The following COX6B1 variants were observed in gnomAD, a reference collection of about 807,000 sequenced individuals.
COX6B1 encodes the protein COX VIb-1.
A neutral mutation model predicts 14.0 loss-of-function variants in COX6B1; 2 were observed. The ratio of observed to expected loss-of-function variants is 0.14; its 90% CI spans 0.06 to 0.45. The LOEUF (loss-of-function observed/expected upper bound fraction) is 0.45, where lower values mean the gene tolerates loss of function less well. COX6B1 is among the 20% of genes least tolerant of loss of function. The pLI is 0.98. For missense variants in COX6B1, 81 were observed against 114.2 expected (o/e 0.71, Z 1.33); for synonymous variants, 30 against 39.7 (o/e 0.76, Z 0.92).
chr19:35,653,222 C>T (rs896197752), intron 2 of COX6B1, among the ~76,000 whole-genome samples: 1 of 151,726 alleles, frequency 6.6e-6, no homozygotes, highest in African/African-American at 2.4e-5. Context: ...ATCCACCCCC[C>T]TCAGCCTCCC....
intron 1 of COX6B1, 38 bp from the exon 2 acceptor site, chr19:35,651,195 C>G (rs376796517): frequency 1.4e-6 from 2 of 1,444,844 alleles, no homozygotes; most frequent in South Asian, 1.1e-5. Flanking sequence ...CTCAGGGCCC[C>G]TGGGGCCCCT....
intron 1 of COX6B1, 30 bp from the exon 2 acceptor site, chr19:35,651,203 C>T: frequency 6.6e-7 from 1 of 1,510,574 alleles, no homozygotes; most frequent in Non-Finnish European, 9.2e-7. Context: ...CCCTGGGGCC[C>T]CTGCTGACAC....
intron 3 of COX6B1, among the ~76,000 whole-genome samples, chr19:35,654,961 T>C (rs1389421209): frequency 6.6e-6 from 1 of 152,088 alleles, no homozygotes; most frequent in Admixed American, 6.6e-5. Context: ...CATCCCTGTG[T>C]AGCTCACAAT....
At chr19:35,651,393 C>A (rs767563428) in intron 2 of COX6B1, 44 bp downstream of exon 2, 1 of 1,475,258 alleles carries the variant, frequency 6.8e-7, no homozygotes, top group South Asian at 1.1e-5. Flanking sequence ...AGTCACTCAC[C>A]GCTTGCCTCT....
intron 2 of COX6B1, among the ~76,000 whole-genome samples, chr19:35,653,836 G>A (rs1255552028): frequency 3.3e-5 from 5 of 152,108 alleles, no homozygotes; most frequent in Non-Finnish European, 7.4e-5. Context: ...CCAAAGTGCT[G>A]GGATTACAGG....
Position 35,651,369 on chromosome 19 carries a change from G to A in COX6B1, c.106+20G>A, listed in dbSNP as rs1182980597. 1 of 1,584,300 alleles carries A rather than the reference G, an allele frequency of 6.3e-7. No individual in the cohort carries two copies. Among genetic ancestry groups the A allele is most frequent in the African/African-American group, 1.3e-5 (1 of 74,288 alleles). On this transcript the variant is annotated intron_variant, in intron 2 of 3. Coordinates refer to ENST00000649813, the MANE Select transcript of COX6B1 (RefSeq NM_001863.5). The stretch of plus-strand genomic sequence containing the variant: ...ACCTGGGTAAGCAGGACCTTTCCCT[G>A]GCCACATACCTCGAGTCACTCACCG...
chr19:35,658,688 C>G lies in COX6B1; in HGVS notation c.*41C>G. The G allele has an allele frequency of 6.3e-7, 1 of 1,579,224 alleles. No homozygotes were observed. The highest frequency in any genetic ancestry group is 8.7e-7 in the Non-Finnish European group (1 of 1,148,372). ...CTTTCCTCTGTCCTCCATCCTTCTCCCAGGATGGTGAAGGGGGACCTGGTA... is the reference window on the plus strand; with the variant it reads ...CTTTCCTCTGTCCTCCATCCTTCTCGCAGGATGGTGAAGGGGGACCTGGTA... On this transcript the variant is annotated 3_prime_UTR_variant, in exon 4 of 4. Transcript: ENST00000649813.
At chr19:35,653,022 G>A (rs1371433701) in intron 2 of COX6B1, among the ~76,000 whole-genome samples, 1 of 147,044 alleles carries the variant, frequency 6.8e-6, no homozygotes, top group Non-Finnish European at 1.5e-5. Context: ...AGGTTGGAGT[G>A]CAGTGGTGCA....
intron 2 of COX6B1, among the ~76,000 whole-genome samples, chr19:35,651,868 A>G (rs1282642597): frequency 6.7e-6 from 1 of 149,702 alleles, no homozygotes; most frequent in East Asian, 2.0e-4. Flanking sequence ...CCTGGCCCCT[A>G]CAATGATTTT....
At chr19:35,652,828 G>A (rs183697988) in intron 2 of COX6B1, among the ~76,000 whole-genome samples, 20 of 151,300 alleles carry the variant, frequency 1.3e-4, no homozygotes, top group Admixed American at 1.1e-3. Flanking sequence ...GATGGAGTCT[G>A]TTTCTTGTTG....
rs1967805444 is a variant in COX6B1, at chr19:35,649,835, T to A, written c.-11-1398T>A. ...TGGGGTTTCACCATGTTGCCCAGGC[T>A]GGTCTTGAACTCCTGGGCTCAAGCG... On this transcript the variant is annotated intron_variant, in intron 1 of 3. Coordinates refer to ENST00000649813, the MANE Select transcript of COX6B1 (RefSeq NM_001863.5). Among the ~76,000 whole-genome samples, 2 of 152,178 alleles carry A rather than the reference T, an allele frequency of 1.3e-5. 1 individual carries two copies. The highest frequency in any genetic ancestry group is 4.1e-4 in the South Asian group (2 of 4,820).
chr19:35,658,288 T>C (rs1967909446), intron 3 of COX6B1, among the ~76,000 whole-genome samples: 1 of 152,092 alleles, frequency 6.6e-6, no homozygotes, highest in African/African-American at 2.4e-5. Context: ...TAGTGTTGAC[T>C]TGAGGTTTTC....
chr19:35,650,320 T>C (rs1027465983), intron 1 of COX6B1, among the ~76,000 whole-genome samples: 18 of 152,224 alleles, frequency 1.2e-4, no homozygotes, highest in Admixed American at 2.6e-4. Flanking sequence ...TATTCCTTAA[T>C]GAATCCTCAG....
At chr19:35,655,308 G>A (rs1345001520) in intron 3 of COX6B1, among the ~76,000 whole-genome samples, 5 of 152,056 alleles carry the variant, frequency 3.3e-5, no homozygotes, top group African/African-American at 4.8e-5. Flanking sequence ...GATTACAGGC[G>A]TGAACCACCG....
chr19:35,657,221 G>C (rs771390220), intron 3 of COX6B1, among the ~76,000 whole-genome samples: 57 of 151,730 alleles, frequency 3.8e-4, no homozygotes, highest in South Asian at 8.3e-4. Context: ...TCCCATCTGG[G>C]GGTGATGGGA....
intron 2 of COX6B1, 36 bp downstream of exon 2, chr19:35,651,385 T>G: frequency 3.0e-5 from 44 of 1,489,496 alleles, no homozygotes; most frequent in African/African-American, 4.2e-5. Context: ...ATACCTCGAG[T>G]CACTCACCGC....
chr19:35,651,414 C>A, intron 2 of COX6B1, 65 bp downstream of exon 2: 2 of 1,182,794 alleles, frequency 1.7e-6, no homozygotes, highest in Non-Finnish European at 2.5e-6. Context: ...TCCTAGGGGA[C>A]CCATCCACCC....
intron 3 of COX6B1, among the ~76,000 whole-genome samples, chr19:35,655,635 A>AAG (rs1967880032): frequency 6.6e-6 from 1 of 150,790 alleles, no homozygotes; most frequent in Admixed American, 6.6e-5. Flanking sequence ...AAAAAAAAAA[A>AAG]GTTTTTAAAG....
At chr19:35,652,362 C>T (rs1284647721) in intron 2 of COX6B1, among the ~76,000 whole-genome samples, 2 of 151,970 alleles carry the variant, frequency 1.3e-5, no homozygotes, top group African/African-American at 4.8e-5. Context: ...GTCTGGAACA[C>T]AGCACCCCGC....
Sources: gnomAD v4.1 joint callset for allele counts (sites outside exome capture counted in the v4.1 genomes callset) on GRCh38, gnomAD v4.1.1 for gene constraint, MANE v1.5 for transcripts, NCBI Gene and HGNC (gene_info 2026-07-23, HGNC 2026-07-21) for gene names.